PELI2: variants seen among roughly 807,000 people sequenced by gnomAD.
The protein encoded by PELI2 is pellino E3 ubiquitin protein ligase family member 2, also known as E3 ubiquitin-protein ligase pellino homolog 2.
A neutral mutation model predicts 42.3 loss-of-function variants in PELI2; 23 were observed. That is an observed-to-expected ratio of 0.54 (90% CI 0.39 to 0.77). PELI2 has a LOEUF of 0.77. PELI2 is among the 30% of genes least tolerant of loss of function. The probability of loss-of-function intolerance (pLI) is 0.00; values close to 1 mark genes in which losing one functional copy is unlikely to be tolerated. For synonymous variants in PELI2, 245 were observed against 212.2 expected, an observed-to-expected ratio of 1.15 and a Z score of -1.34; for missense variants, 463 against 553.2, an observed-to-expected ratio of 0.84 and a Z score of 1.64.
intron 2 of PELI2, among the ~76,000 whole-genome samples, chr14:56,182,239 G>T (rs759476447): frequency 1.3e-5 from 2 of 152,032 alleles, no homozygotes; most frequent in African/African-American, 4.8e-5. Flanking sequence ...AGATCCAGGG[G>T]TCTTGTGGGT....
intron 1 of PELI2, among the ~76,000 whole-genome samples, chr14:56,147,945 G>C (rs554000080): frequency 1.3e-5 from 2 of 152,326 alleles, no homozygotes; most frequent in South Asian, 4.1e-4. Flanking sequence ...CTGAACCTGG[G>C]AACAGTTCAG....
At chr14:56,162,503 A>C (rs1884801421) in intron 1 of PELI2, among the ~76,000 whole-genome samples, 1 of 152,154 alleles carries the variant, frequency 6.6e-6, no homozygotes, top group African/African-American at 2.4e-5. Context: ...TTCTCTATCC[A>C]TTCATCTGTT....
intron 2 of PELI2, among the ~76,000 whole-genome samples, chr14:56,246,093 A>G (rs903688348): frequency 6.6e-6 from 1 of 152,178 alleles, no homozygotes; most frequent in South Asian, 2.1e-4. Context: ...AGGAGACTTC[A>G]GGAGTAATCT....
intron 2 of PELI2, among the ~76,000 whole-genome samples, chr14:56,275,790 T>C (rs1444890089): frequency 1.3e-5 from 2 of 152,180 alleles, no homozygotes; most frequent in East Asian, 3.9e-4. Context: ...GGACCCCTGG[T>C]GTACACAGCA....
At chr14:56,230,358 G>A (rs1365724897) in intron 2 of PELI2, among the ~76,000 whole-genome samples, 2 of 152,106 alleles carry the variant, frequency 1.3e-5, no homozygotes, top group East Asian at 1.9e-4. Context: ...GAGAAAGGTC[G>A]GGTTACCCAC....
intron 2 of PELI2, among the ~76,000 whole-genome samples, chr14:56,261,269 A>T (rs1380185171): frequency 6.6e-6 from 1 of 152,050 alleles, no homozygotes; most frequent in Non-Finnish European, 1.5e-5. Context: ...ATGGCCACTC[A>T]TTTCTATTGC....
intron 1 of PELI2, among the ~76,000 whole-genome samples, chr14:56,145,839 C>G (rs1884094867): frequency 1.3e-5 from 2 of 152,132 alleles, no homozygotes; most frequent in Admixed American, 1.3e-4. Context: ...AAAGGGAAAA[C>G]AATTATCTGA....
chr14:56,207,868 A>G (rs542504598), intron 2 of PELI2, among the ~76,000 whole-genome samples: 3 of 152,306 alleles, frequency 2.0e-5, no homozygotes, highest in East Asian at 3.9e-4. Flanking sequence ...TGTCCTAGGG[A>G]CATGGCCATC....
Position 56,265,670 on chromosome 14 carries a change from A to G in PELI2, c.208-14006A>G, listed in dbSNP as rs558010738. Among the ~76,000 whole-genome samples, 12 of 152,206 alleles carry G rather than the reference A, an allele frequency of 7.9e-5. No homozygotes were observed. The South Asian group carries it at 1.2e-3, about 16-fold the overall frequency. On this transcript the variant is annotated intron_variant, in intron 2 of 5. Transcript: ENST00000267460. ...TTCAGAGAATGCAAAGACAAGGTACACAGACGGGTAGAAAATACTTGCAAA... is the reference window on the plus strand; with the variant it reads ...TTCAGAGAATGCAAAGACAAGGTACGCAGACGGGTAGAAAATACTTGCAAA...
chr14:56,144,282 G>A (rs1884028227), intron 1 of PELI2, among the ~76,000 whole-genome samples: 1 of 152,148 alleles, frequency 6.6e-6, no homozygotes, highest in Admixed American at 6.5e-5. Flanking sequence ...AAGATTTCTT[G>A]CAAGGAATTG....
At position 56,299,831 on chromosome 14, in the gene PELI2, T is replaced by A. The variant is rs1489913669; in HGVS notation, c.*2665T>A. On this transcript the variant is annotated 3_prime_UTR_variant, in exon 6 of 6. Transcript: ENST00000267460. ...GACTCTAATGCCTTTTGCAAGTAGC[T>A]TTCCAGAAGTAAAAGTCCCAGTGAT... is the stretch of plus-strand genomic sequence containing the variant. 1 of 152,290 alleles carries A rather than the reference T, an allele frequency of 6.6e-6. No individual in the cohort carries two copies. The highest frequency in any genetic ancestry group is 1.5e-5 in the Non-Finnish European group (1 of 68,040). The allele number at this position is 152,290 out of a possible 1,614,324, so 9.4% of individuals were successfully genotyped here. A position where few individuals can be genotyped will look rare whatever the true frequency, so the allele number is the denominator to read the frequency against.
At chr14:56,122,438 C>G (rs1019602494) in intron 1 of PELI2, among the ~76,000 whole-genome samples, 1 of 152,156 alleles carries the variant, frequency 6.6e-6, no homozygotes, top group Non-Finnish European at 1.5e-5. Context: ...AAGACAGATT[C>G]CAGCAGCGCT....
chr14:56,172,586 A>G (rs1885220177), intron 1 of PELI2, among the ~76,000 whole-genome samples: 1 of 152,178 alleles, frequency 6.6e-6, no homozygotes, highest in African/African-American at 2.4e-5. Context: ...CTGTATGATG[A>G]ATGATCAAAT....
At chr14:56,161,785 A>G (rs570832744) in intron 1 of PELI2, among the ~76,000 whole-genome samples, 1 of 152,252 alleles carries the variant, frequency 6.6e-6, no homozygotes, top group Non-Finnish European at 1.5e-5. Flanking sequence ...GACCATTTCC[A>G]GCTAGGAATG....
Position 56,288,524 on chromosome 14 carries a change from CAG to C in PELI2, c.400_401del (p.Ser134HisfsTer15). 6.2e-7 allele frequency: 1 copy of C among 1,614,048 alleles called. No individual in the cohort carries two copies. Among genetic ancestry groups the C allele is most frequent in the South Asian group, 1.1e-5 (1 of 91,076 alleles). On this transcript the variant is annotated frameshift_variant, in exon 4 of 6. Transcript: ENST00000267460. LOFTEE classifies it high-confidence loss of function. This position sits in a 1 kb window ranked among gnomAD's most constrained non-coding sequence, Gnocchi z 4.6. ...GAACACGGACGAAGCCCAGATCACACAGAGCACCATATCCAGGTTCGCCTGCA... is the reference window on the plus strand; with the variant it reads ...GAACACGGACGAAGCCCAGATCACACAGCACCATATCCAGGTTCGCCTGCA... ...SQNTDEAQIT[Q>X]STISRFACRI...
At chr14:56,260,112 C>CA (rs1210911976) in intron 2 of PELI2, among the ~76,000 whole-genome samples, 3 of 151,858 alleles carry the variant, frequency 2.0e-5, no homozygotes, top group African/African-American at 4.8e-5. Context: ...TGTTTTGTGA[C>CA]AAAAAATTTA....
At chr14:56,241,817 T>C (rs1027616704) in intron 2 of PELI2, among the ~76,000 whole-genome samples, 1 of 152,198 alleles carries the variant, frequency 6.6e-6, no homozygotes, top group Non-Finnish European at 1.5e-5. Context: ...AGTTCCAGCC[T>C]GGTTCTGTAC....
At chr14:56,215,676 C>T (rs7160779) in intron 2 of PELI2, among the ~76,000 whole-genome samples, 61,471 of 152,112 alleles carry the variant, frequency 0.4, 13,169 homozygotes, top group South Asian at 0.53. Flanking sequence ...ATTTTAATTT[C>T]AAAATTAACT....
At chr14:56,249,374 T>C (rs117394858) in intron 2 of PELI2, among the ~76,000 whole-genome samples, 2,357 of 152,272 alleles carry the variant, frequency 0.015, 33 homozygotes, top group Middle Eastern at 0.041. Flanking sequence ...GTTATTCTTA[T>C]TTACATGTTT....
Sources: allele counts gnomAD v4.1 joint callset (sites outside exome capture counted in the v4.1 genomes callset), GRCh38; gene constraint gnomAD v4.1.1; non-coding constraint Gnocchi (gnomAD v3.1); transcripts MANE v1.5; gene names NCBI Gene and HGNC (gene_info 2026-07-23, HGNC 2026-07-21).